The following KCNS3 variants were observed in gnomAD, a reference collection of about 807,000 sequenced individuals.
KCNS3 encodes potassium voltage-gated channel modifier subfamily S member 3, also known as delayed-rectifier potassium channel regulatory subunit KCNS3.
In KCNS3, 13 loss-of-function variants were observed where a neutral mutation model predicts 31.0. That is an observed-to-expected ratio of 0.42 (90% CI 0.27 to 0.67). The LOEUF is 0.67. KCNS3 is among the 30% of genes least tolerant of loss of function. KCNS3 has a pLI of 0.25. For missense variants in KCNS3, 545 were observed against 622.4 expected (o/e 0.88, Z 1.32); for synonymous variants, 238 against 241.5 (o/e 0.99, Z 0.13).
At chr2:17,888,283 T>C (rs550964165) in intron 1 of KCNS3, among the ~76,000 whole-genome samples, 9 of 152,210 alleles carry the variant, frequency 5.9e-5, no homozygotes, top group Admixed American at 1.3e-4. Flanking sequence ...AGTTTTTCCA[T>C]TGTTATCTTC....
chr2:17,924,509 A>G (rs1662791848), intron 2 of KCNS3, among the ~76,000 whole-genome samples: 1 of 152,042 alleles, frequency 6.6e-6, no homozygotes, highest in African/African-American at 2.4e-5. Flanking sequence ...GATGCTCTTT[A>G]TCAAATTGGA....
At chr2:17,921,911 GTGTGTATATATATATATATATATA>G (rs1214855085) in intron 2 of KCNS3, among the ~76,000 whole-genome samples, 1,845 of 100,442 alleles carry the variant, frequency 0.018, 66 homozygotes, top group East Asian at 0.069. Flanking sequence ...ATGTGTGTGT[GTGTGTATATATATATATATATATA>G]TATATATATA....
intron 1 of KCNS3, among the ~76,000 whole-genome samples, chr2:17,905,937 C>G (rs560983605): frequency 6.6e-6 from 1 of 152,078 alleles, no homozygotes; most frequent in East Asian, 1.9e-4. Context: ...TTTGTTGTGT[C>G]TCTGCCAGGC....
At chr2:17,885,480 A>G (rs1286786419) in intron 1 of KCNS3, among the ~76,000 whole-genome samples, 2 of 152,256 alleles carry the variant, frequency 1.3e-5, no homozygotes, top group African/African-American at 2.4e-5. Context: ...GGTTCACGCA[A>G]TTATGGAGAC....
intron 1 of KCNS3, among the ~76,000 whole-genome samples, chr2:17,897,210 G>T (rs1572484601): frequency 6.6e-6 from 1 of 152,266 alleles, no homozygotes; most frequent in East Asian, 1.9e-4. Flanking sequence ...TCATGTTGCT[G>T]CAAAGGACAT....
intron 2 of KCNS3, among the ~76,000 whole-genome samples, chr2:17,921,894 CAT>C (rs1249423048): frequency 1.2e-3 from 130 of 108,794 alleles, no homozygotes; most frequent in South Asian, 4.9e-3. Flanking sequence ...CCCTGATTTT[CAT>C]ATATATGTGT....
At chr2:17,915,792 A>G (rs187462130) in intron 1 of KCNS3, among the ~76,000 whole-genome samples, 1 of 152,208 alleles carries the variant, frequency 6.6e-6, no homozygotes, top group Non-Finnish European at 1.5e-5. Context: ...ACATAAATTC[A>G]TAACAAGAGA....
chr2:17,889,221 C>A (rs892838497), intron 1 of KCNS3, among the ~76,000 whole-genome samples: 4 of 152,118 alleles, frequency 2.6e-5, no homozygotes, highest in African/African-American at 7.2e-5. Flanking sequence ...TGATTTGATT[C>A]TCCGCTTGGT....
At chr2:17,910,544 A>C (rs951268078) in intron 1 of KCNS3, among the ~76,000 whole-genome samples, 1 of 152,144 alleles carries the variant, frequency 6.6e-6, no homozygotes, top group Non-Finnish European at 1.5e-5. Flanking sequence ...TGTTGTCAGC[A>C]TATCAGTTGG....
intron 1 of KCNS3, among the ~76,000 whole-genome samples, chr2:17,884,659 G>A (rs138944372): frequency 6.6e-6 from 1 of 152,206 alleles, no homozygotes; most frequent in Non-Finnish European, 1.5e-5. Context: ...GGGTGTAGGG[G>A]CAGGTTTGTG....
At chr2:17,883,789 A>C (rs1406620012) in intron 1 of KCNS3, among the ~76,000 whole-genome samples, 1 of 152,010 alleles carries the variant, frequency 6.6e-6, no homozygotes, top group East Asian at 1.9e-4. Context: ...TCATGCTGCT[A>C]TAAAGACACC....
At chr2:17,878,542 G>C (rs1456905173), upstream of KCNS3, 8 of 150,776 alleles carry the variant, frequency 5.3e-5, no homozygotes, top group Admixed American at 2.6e-4. Context: ...GGCCCGAAGC[G>C]AGGGGCTGGC....
intron 2 of KCNS3, among the ~76,000 whole-genome samples, chr2:17,920,843 A>G (rs1011693108): frequency 6.6e-6 from 1 of 152,232 alleles, no homozygotes; most frequent in Non-Finnish European, 1.5e-5. Flanking sequence ...CTGACATAAT[A>G]TGCAAATGAG....
intron 1 of KCNS3, among the ~76,000 whole-genome samples, chr2:17,916,285 T>C (rs1572497462): frequency 6.6e-6 from 1 of 152,144 alleles, no homozygotes; most frequent in South Asian, 2.1e-4. Context: ...CTGTGTTTCA[T>C]TGGAATGCAG....
rs55738585 is a variant in KCNS3 at position 17,884,932 on chromosome 2, GTTT to G, written c.-252+6142_-252+6144del. The stretch of plus-strand genomic sequence containing the variant: ...AGCATATTGCTTGTCCTTCCCTGTT[GTTT>G]TTTTTTTTTTTTTTTCCTCACTGCC... On this transcript the variant is annotated intron_variant, in intron 1 of 2. Coordinates refer to ENST00000304101, the MANE Select transcript of KCNS3 (RefSeq NM_002252.5). Among the ~76,000 whole-genome samples the G allele has an allele frequency of 2.0e-3, 255 of 127,986 alleles. 1 individual carries two copies. The highest frequency in any genetic ancestry group is 6.6e-3 in the African/African-American group (231 of 34,756). The allele number at this position is 127,986 out of a possible 152,430, so 84.0% of individuals were successfully genotyped here.
chr2:17,918,899 C>T (rs2125249530), intron 2 of KCNS3, among the ~76,000 whole-genome samples: 1 of 152,344 alleles, frequency 6.6e-6, no homozygotes, highest in African/African-American at 2.4e-5. Flanking sequence ...ACTCCCTCCC[C>T]TGGGCAGCAG....
intron 1 of KCNS3, among the ~76,000 whole-genome samples, chr2:17,879,137 G>C (rs1406673018): frequency 6.6e-6 from 1 of 152,218 alleles, no homozygotes; most frequent in Non-Finnish European, 1.5e-5. Context: ...CGGGGAGTGG[G>C]GTGGGCTATG....
rs1399807085 is a variant in KCNS3 at position 17,931,085 on chromosome 2, A to G, written c.77A>G (p.Gln26Arg). 3 of 1,614,180 alleles carry G rather than the reference A, an allele frequency of 1.9e-6. No homozygotes were observed. Among genetic ancestry groups the G allele is most frequent in the East Asian group, 4.5e-5 (2 of 44,878 alleles). ...LVNLNVGGFK[Q>R]SVDQSTLLRF... Reference sequence around the variant, plus strand: ...AACCTGAATGTGGGGGGCTTTAAGCAGTCTGTTGACCAAAGCACCCTCCTG... The same window carrying G: ...AACCTGAATGTGGGGGGCTTTAAGCGGTCTGTTGACCAAAGCACCCTCCTG... Residue 26 changes from glutamine (Q) to arginine (R), a missense_variant, in exon 3 of 3, where the codon CAG becomes CGG. Transcript: ENST00000304101. The surrounding 1 kb of genome is among the most constrained non-coding windows in gnomAD (Gnocchi z 5.4).
intron 1 of KCNS3, among the ~76,000 whole-genome samples, chr2:17,889,252 G>C (rs1324362363): frequency 8.5e-5 from 13 of 152,234 alleles, no homozygotes; most frequent in African/African-American, 3.1e-4. Flanking sequence ...GTATAGAAGA[G>C]CTACTGATTT....
Sources: allele counts gnomAD v4.1 joint callset (sites outside exome capture counted in the v4.1 genomes callset), GRCh38; gene constraint gnomAD v4.1.1; non-coding constraint Gnocchi (gnomAD v3.1); transcripts MANE v1.5; gene names NCBI Gene and HGNC (gene_info 2026-07-23, HGNC 2026-07-21).